Variants in FAM53B observed in about 807,000 individuals in gnomAD.
FAM53B encodes the protein protein FAM53B.
In FAM53B, 12 loss-of-function variants were observed where a neutral mutation model predicts 32.7. The ratio of observed to expected loss-of-function variants is 0.37; its 90% CI spans 0.24 to 0.59. The LOEUF is 0.59. Among genes scored for constraint, FAM53B ranks in the 20% least tolerant of loss-of-function variants. The pLI, the probability that FAM53B is intolerant of heterozygous loss-of-function variation, is 0.72. For missense variants in FAM53B, 477 were observed against 577.7 expected (o/e 0.83, Z 1.79); for synonymous variants, 234 against 228.7 (o/e 1.02, Z -0.21).
chr10:124,698,438 C>G (rs1949889895), intron 2 of FAM53B, among the ~76,000 whole-genome samples: 1 of 152,134 alleles, frequency 6.6e-6, no homozygotes, highest in Non-Finnish European at 1.5e-5. Context: ...CTGGCATGTT[C>G]TAGACCAAGG....
intron 3 of FAM53B, among the ~76,000 whole-genome samples, chr10:124,684,032 G>A (rs1212519831): frequency 6.6e-6 from 1 of 152,212 alleles, no homozygotes; most frequent in Non-Finnish European, 1.5e-5. Flanking sequence ...TGGGCATCCT[G>A]CCAAGGTCAG....
chr10:124,695,365 G>A (rs771236570), intron 3 of FAM53B, among the ~76,000 whole-genome samples: 5 of 152,050 alleles, frequency 3.3e-5, no homozygotes, highest in Admixed American at 6.6e-5. Context: ...CTTTTTTACC[G>A]CCTATAAAAA....
chr10:124,680,083 G>A (rs192465319), intron 4 of FAM53B, among the ~76,000 whole-genome samples: 76 of 152,292 alleles, frequency 5.0e-4, no homozygotes, highest in African/African-American at 1.7e-3. Context: ...TTTTTCTGGA[G>A]AAGGGAAATT....
intron 1 of FAM53B, among the ~76,000 whole-genome samples, chr10:124,725,106 A>C (rs1244428701): frequency 6.6e-6 from 1 of 152,240 alleles, no homozygotes; most frequent in Non-Finnish European, 1.5e-5. Flanking sequence ...AAGGCCAGGC[A>C]AAGCCAAAGC....
intron 4 of FAM53B, among the ~76,000 whole-genome samples, chr10:124,655,850 CTTAATA>C (rs1949586201): frequency 6.6e-6 from 1 of 152,308 alleles, no homozygotes; most frequent in Middle Eastern, 3.4e-3. Flanking sequence ...CTGCTTTGCT[CTTAATA>C]TTGTCTATCT....
chr10:124,712,707 C>T (rs959686148), intron 1 of FAM53B, among the ~76,000 whole-genome samples: 2 of 152,182 alleles, frequency 1.3e-5, no homozygotes, highest in Non-Finnish European at 2.9e-5. Flanking sequence ...CCAATATCTG[C>T]CAAAGGAGGG....
intron 1 of FAM53B, among the ~76,000 whole-genome samples, chr10:124,721,444 C>T (rs1950067916): frequency 6.6e-6 from 1 of 152,248 alleles, no homozygotes; most frequent in South Asian, 2.1e-4. Context: ...GGCAGAGCCG[C>T]ACTGCAGGCT....
intron 2 of FAM53B, among the ~76,000 whole-genome samples, chr10:124,701,468 G>A (rs1228927161): frequency 6.6e-6 from 1 of 152,248 alleles, no homozygotes; most frequent in African/African-American, 2.4e-5. Context: ...GCTCCCTTTG[G>A]TCTTCAGCCT....
intron 1 of FAM53B, among the ~76,000 whole-genome samples, chr10:124,712,716 G>A (rs1284427971): frequency 6.6e-6 from 1 of 152,154 alleles, no homozygotes; most frequent in Admixed American, 6.5e-5. Flanking sequence ...GCCAAAGGAG[G>A]GCTAGGTGAG....
intron 1 of FAM53B, among the ~76,000 whole-genome samples, chr10:124,735,481 A>G (rs975420849): frequency 1.3e-5 from 2 of 152,230 alleles, no homozygotes; most frequent in Non-Finnish European, 2.9e-5. Flanking sequence ...TTCCTCCCGA[A>G]AAAAACCCTA....
chr10:124,736,987 G>A (rs1292020088), intron 1 of FAM53B, among the ~76,000 whole-genome samples: 1 of 152,214 alleles, frequency 6.6e-6, no homozygotes, highest in Non-Finnish European at 1.5e-5. Context: ...CAGGGCTGAG[G>A]TCAGCTGGGC....
At chr10:124,690,346 C>T (rs535127119) in intron 3 of FAM53B, among the ~76,000 whole-genome samples, 2 of 152,358 alleles carry the variant, frequency 1.3e-5, no homozygotes, top group East Asian at 3.9e-4. Flanking sequence ...CACATCTCCC[C>T]CATGGACACA....
intron 4 of FAM53B, among the ~76,000 whole-genome samples, chr10:124,647,172 G>A (rs1353913966): frequency 1.3e-5 from 2 of 152,210 alleles, no homozygotes; most frequent in Non-Finnish European, 2.9e-5. Flanking sequence ...TGCCAAGCAC[G>A]TGGGGAAAAT....
intron 4 of FAM53B, among the ~76,000 whole-genome samples, chr10:124,633,632 T>C (rs529179132): frequency 8.5e-5 from 13 of 152,262 alleles, no homozygotes; most frequent in African/African-American, 2.4e-4. Context: ...TGAAACAGAA[T>C]GTTCTGAAAT....
chr10:124,709,725 G>A (rs147443337), intron 1 of FAM53B, among the ~76,000 whole-genome samples: 1 of 152,052 alleles, frequency 6.6e-6, no homozygotes, highest in East Asian at 1.9e-4. Flanking sequence ...ATATTTTAAT[G>A]AGCCAGTTCA....
At chr10:124,677,451 G>C (rs1949743590) in intron 4 of FAM53B, among the ~76,000 whole-genome samples, 1 of 152,250 alleles carries the variant, frequency 6.6e-6, no homozygotes, top group Non-Finnish European at 1.5e-5. Context: ...CTTGCGCAGG[G>C]ATCGCAGCAT....
intron 4 of FAM53B, among the ~76,000 whole-genome samples, chr10:124,630,396 A>C (rs1255059901): frequency 3.9e-5 from 6 of 152,248 alleles, no homozygotes; most frequent in Non-Finnish European, 8.8e-5. Context: ...CCTGGGCAAC[A>C]GGGCAAGACC....
intron 1 of FAM53B, among the ~76,000 whole-genome samples, chr10:124,714,773 A>G (rs1044671970): frequency 3.9e-5 from 6 of 151,974 alleles, no homozygotes; most frequent in African/African-American, 1.2e-4. Context: ...AAAAAAAAAA[A>G]AAAAAAGAAA....
chr10:124,706,576 T>C (rs1949960033), intron 2 of FAM53B, 60 bp downstream of exon 2: 1 of 1,608,346 alleles, frequency 6.2e-7, no homozygotes, highest in Non-Finnish European at 8.5e-7. Context: ...TCCACAGCCC[T>C]GTCTGTACAT....
Sources: allele counts gnomAD v4.1 joint callset (sites outside exome capture counted in the v4.1 genomes callset), GRCh38; gene constraint gnomAD v4.1.1; transcripts MANE v1.5; gene names NCBI Gene and HGNC (gene_info 2026-07-23, HGNC 2026-07-21).